The following PCSK5 variants were observed in gnomAD, a reference collection of about 807,000 sequenced individuals.
PCSK5 encodes the protein prohormone convertase 5.
PCSK5 carries 129 observed loss-of-function variants against 233.2 expected under a neutral mutation model. That is an observed-to-expected ratio of 0.55 (90% CI 0.48 to 0.64). PCSK5 has a LOEUF of 0.64. PCSK5 is among the 30% of genes least tolerant of loss of function. PCSK5 has a pLI of 0.00. For synonymous variants in PCSK5, 825 were observed against 879.2 expected, an observed-to-expected ratio of 0.94 and a Z score of 1.09; for missense variants, 2,076 against 2,430.1, an observed-to-expected ratio of 0.85 and a Z score of 3.06.
intron 1 of PCSK5, among the ~76,000 whole-genome samples, chr9:75,924,975 G>T (rs572348144): frequency 1.3e-5 from 2 of 152,294 alleles, no homozygotes; most frequent in Non-Finnish European, 2.9e-5. Flanking sequence ...TGCTAATACT[G>T]TTGTGAGGCG....
chr9:76,313,000 T>C (rs1236352063), intron 30 of PCSK5, among the ~76,000 whole-genome samples: 1 of 152,138 alleles, frequency 6.6e-6, no homozygotes, highest in African/African-American at 2.4e-5. Context: ...ACATTTTAAA[T>C]CACTATTTTT....
At chr9:76,095,821 C>A (rs904419845) in intron 7 of PCSK5, 69 bp from the exon 8 acceptor site, 5 of 1,394,840 alleles carry the variant, frequency 3.6e-6, no homozygotes, top group South Asian at 1.2e-5. Flanking sequence ...CAGTTTGGCT[C>A]AGTGGATTCT....
intron 5 of PCSK5, among the ~76,000 whole-genome samples, chr9:76,031,092 G>C (rs1478536698): frequency 6.6e-6 from 1 of 152,124 alleles, no homozygotes; most frequent in African/African-American, 2.4e-5. Flanking sequence ...CCTCTCAGTA[G>C]TTCTGCCTGA....
intron 5 of PCSK5, among the ~76,000 whole-genome samples, chr9:76,054,611 C>A (rs942109731): frequency 5.9e-5 from 9 of 152,202 alleles, no homozygotes; most frequent in Non-Finnish European, 1.2e-4. Flanking sequence ...GAATTACAAC[C>A]AGTCTTACAA....
intron 5 of PCSK5, among the ~76,000 whole-genome samples, chr9:76,051,996 G>A (rs1006171982): frequency 6.6e-6 from 1 of 152,134 alleles, no homozygotes; most frequent in Non-Finnish European, 1.5e-5. Flanking sequence ...ACAGACATGG[G>A]CAATCTTTTT....
chr9:76,326,298 A>G (rs1025620431), intron 32 of PCSK5, among the ~76,000 whole-genome samples: 12 of 152,164 alleles, frequency 7.9e-5, no homozygotes, highest in Middle Eastern at 3.4e-3. Context: ...AGATGGGGGG[A>G]TCACTTTAGC....
intron 30 of PCSK5, among the ~76,000 whole-genome samples, chr9:76,320,106 C>A (rs1025705129): frequency 6.6e-6 from 1 of 152,090 alleles, no homozygotes; most frequent in African/African-American, 2.4e-5. Flanking sequence ...TGGTAGTGGT[C>A]CCCCGAGCCC....
chr9:76,041,481 A>C (rs528957197), intron 5 of PCSK5, among the ~76,000 whole-genome samples: 5 of 152,118 alleles, frequency 3.3e-5, no homozygotes, highest in Admixed American at 1.3e-4. Context: ...CTAAAACTTA[A>C]ATCTGAATGT....
intron 17 of PCSK5, among the ~76,000 whole-genome samples, chr9:76,186,044 G>C (rs1282926681): frequency 6.6e-6 from 1 of 152,156 alleles, no homozygotes; most frequent in Non-Finnish European, 1.5e-5. Flanking sequence ...AAATATGCCA[G>C]TAACCACATT....
chr9:75,895,223 A>G (rs893035155), intron 1 of PCSK5, among the ~76,000 whole-genome samples: 1 of 152,222 alleles, frequency 6.6e-6, no homozygotes, highest in East Asian at 1.9e-4. Flanking sequence ...AAAGCAGGAA[A>G]GTCACTGAAC....
chr9:76,300,391 T>G (rs528529224), intron 27 of PCSK5, among the ~76,000 whole-genome samples: 1 of 152,348 alleles, frequency 6.6e-6, no homozygotes, highest in South Asian at 2.1e-4. Flanking sequence ...AGTAATTAAC[T>G]GTTTGGCCAG....
chr9:76,353,563 G>T (rs1270092607), intron 36 of PCSK5, among the ~76,000 whole-genome samples: 1 of 152,182 alleles, frequency 6.6e-6, no homozygotes, highest in Non-Finnish European at 1.5e-5. Context: ...TGGAAAGAGG[G>T]GTCATCGCCA....
chr9:76,026,926 T>C (rs1828449522), intron 4 of PCSK5, 35 bp from the exon 5 acceptor site: 2 of 1,467,196 alleles, frequency 1.4e-6, no homozygotes, highest in Non-Finnish European at 1.9e-6. Flanking sequence ...TGAATGTCCA[T>C]TTCCTTTCCC....
chr9:76,223,354 T>A (rs968088538), intron 20 of PCSK5, among the ~76,000 whole-genome samples: 1 of 152,222 alleles, frequency 6.6e-6, no homozygotes, highest in South Asian at 2.1e-4. Context: ...GGATTATACT[T>A]CAATCTTATG....
intron 2 of PCSK5, among the ~76,000 whole-genome samples, chr9:75,948,295 G>A (rs2131316928): frequency 6.6e-6 from 1 of 151,334 alleles, no homozygotes; most frequent in East Asian, 2.0e-4. Flanking sequence ...TTCCCCTAAT[G>A]CTATCCCTCC....
intron 37 of PCSK5, among the ~76,000 whole-genome samples, chr9:76,357,975 T>C (rs1167613057): frequency 1.3e-5 from 2 of 152,192 alleles, no homozygotes; most frequent in Non-Finnish European, 2.9e-5. Context: ...AAATAGAGCA[T>C]TTAGCAATAA....
At chr9:75,987,314 C>T (rs1403988382) in intron 3 of PCSK5, among the ~76,000 whole-genome samples, 1 of 152,210 alleles carries the variant, frequency 6.6e-6, no homozygotes, top group Non-Finnish European at 1.5e-5. Context: ...CATTTTCCCT[C>T]CTCTGGTCTC....
chr9:76,164,868 C>T (rs1350677958), intron 12 of PCSK5, among the ~76,000 whole-genome samples: 1 of 151,906 alleles, frequency 6.6e-6, no homozygotes, highest in Admixed American at 6.6e-5. Context: ...TACTTATGTA[C>T]CCACAAGAAG....
intron 24 of PCSK5, among the ~76,000 whole-genome samples, chr9:76,291,324 A>T (rs1828269930): frequency 6.6e-6 from 1 of 152,236 alleles, no homozygotes; most frequent in Non-Finnish European, 1.5e-5. Context: ...CAAAGTTCAA[A>T]TGATATAGTT....
Sources: allele counts gnomAD v4.1 joint callset (sites outside exome capture counted in the v4.1 genomes callset), GRCh38; gene constraint gnomAD v4.1.1; transcripts MANE v1.5; gene names NCBI Gene and HGNC (gene_info 2026-07-23, HGNC 2026-07-21).